RANBP2: variants seen among roughly 807,000 people sequenced by gnomAD.
RANBP2 encodes the protein E3 SUMO-protein ligase RanBP2.
A neutral mutation model predicts 303.6 loss-of-function variants in RANBP2; 57 were observed. The ratio of observed to expected loss-of-function variants is 0.19; its 90% CI spans 0.15 to 0.23. RANBP2 has a LOEUF of 0.23. RANBP2 is among the 10% of genes least tolerant of loss of function. The probability of loss-of-function intolerance (pLI) is 1.00; values close to 1 mark genes in which losing one functional copy is unlikely to be tolerated. For synonymous variants in RANBP2, 1,167 were observed against 1,301.5 expected (o/e 0.90, Z 2.23); for missense variants, 3,138 against 3,780.8 (o/e 0.83, Z 4.46).
chr2:109,714,025 C>T, the RANBP2 span, among the ~76,000 whole-genome samples: 1 of 152,210 alleles, frequency 6.6e-6, no homozygotes, highest in Non-Finnish European at 1.5e-5. Flanking sequence ...TAGGACTGCC[C>T]CCACTTCAGA....
chr2:109,567,765 A>G, the RANBP2 span: 4 of 1,500,338 alleles, frequency 2.7e-6, no homozygotes, highest in Non-Finnish European at 3.6e-6. Context: ...CACAAATTAC[A>G]GTTTTATTTT....
chr2:108,964,518 A>C, the RANBP2 span, among the ~76,000 whole-genome samples: 1 of 152,178 alleles, frequency 6.6e-6, no homozygotes, highest in Non-Finnish European at 1.5e-5. Flanking sequence ...GGGGGAAAAA[A>C]ACCCCAACAA....
intron 6 of RANBP2, among the ~76,000 whole-genome samples, chr2:108,740,238 A>G (rs1312582868): frequency 6.6e-6 from 1 of 152,202 alleles, no homozygotes; most frequent in Non-Finnish European, 1.5e-5. Flanking sequence ...TCTTATATTT[A>G]TCCTGTGATT....
At chr2:109,367,302 A>G in the RANBP2 span, among the ~76,000 whole-genome samples, 1,415 of 149,288 alleles carry the variant, frequency 9.5e-3, 18 homozygotes, top group African/African-American at 0.033. Context: ...TTATTTTTAG[A>G]TGGAGTCTTG....
the RANBP2 span, among the ~76,000 whole-genome samples, chr2:109,016,117 T>C: frequency 6.6e-3 from 1,003 of 152,350 alleles, 13 homozygotes; most frequent in African/African-American, 0.023. Flanking sequence ...AGTTTCGCTC[T>C]GTCGCCCAGG....
chr2:109,348,068 C>T, the RANBP2 span: 1 of 1,355,684 alleles, frequency 7.4e-7, no homozygotes, highest in Non-Finnish European at 9.9e-7. Flanking sequence ...ATCCTGGCTC[C>T]TCCCGGAACC....
chr2:109,131,929 A>G, the RANBP2 span, among the ~76,000 whole-genome samples: 2 of 152,230 alleles, frequency 1.3e-5, no homozygotes, highest in Non-Finnish European at 2.9e-5. Flanking sequence ...CTAGCACTAT[A>G]CTACCATGCT....
At chr2:109,349,237 C>T in the RANBP2 span, among the ~76,000 whole-genome samples, 5 of 152,154 alleles carry the variant, frequency 3.3e-5, no homozygotes, top group Middle Eastern at 3.2e-3. Flanking sequence ...GCATGTCCTG[C>T]GTACAGCTGC....
chr2:108,842,034 G>A, the RANBP2 span, among the ~76,000 whole-genome samples: 1 of 151,854 alleles, frequency 6.6e-6, no homozygotes, highest in African/African-American at 2.4e-5. Context: ...TTGTTTGTTT[G>A]TTTGTTTGTT....
chr2:109,608,316 C>T, the RANBP2 span, among the ~76,000 whole-genome samples: 1 of 152,168 alleles, frequency 6.6e-6, no homozygotes, highest in Non-Finnish European at 1.5e-5. Flanking sequence ...CATCAATATA[C>T]TCCCTACCTA....
At chr2:109,306,424 C>T in the RANBP2 span, among the ~76,000 whole-genome samples, 4 of 152,232 alleles carry the variant, frequency 2.6e-5, no homozygotes, top group African/African-American at 9.6e-5. Flanking sequence ...CCGATTCCAT[C>T]CTGCTGCTGC....
the RANBP2 span, among the ~76,000 whole-genome samples, chr2:109,078,135 A>ATGCCATTT: frequency 1.5e-5 from 1 of 65,784 alleles, no homozygotes; most frequent in Admixed American, 2.1e-4. Flanking sequence ...ATATATATAT[A>ATGCCATTT]GCGTGTATAT....
the RANBP2 span, among the ~76,000 whole-genome samples, chr2:109,390,193 T>C: frequency 6.6e-6 from 1 of 152,196 alleles, no homozygotes; most frequent in Admixed American, 6.5e-5. Context: ...TGGCAGTTCT[T>C]GGAGAAAGTG....
downstream of RANBP2, among the ~76,000 whole-genome samples, chr2:108,788,550 T>A (rs990391520): frequency 3.3e-5 from 5 of 151,112 alleles, no homozygotes; most frequent in Non-Finnish European, 7.4e-5. Context: ...ACCCCGTCTC[T>A]ACTAAAAAAA....
the RANBP2 span, among the ~76,000 whole-genome samples, chr2:108,993,014 G>A: frequency 1.3e-5 from 2 of 152,190 alleles, no homozygotes; most frequent in African/African-American, 4.8e-5. Context: ...GAAAAAACAG[G>A]AATATAAATA....
At chr2:109,108,502 G>A in the RANBP2 span, among the ~76,000 whole-genome samples, 145,811 of 152,220 alleles carry the variant, frequency 0.96, 70,123 homozygotes, top group Non-Finnish European at 1. Flanking sequence ...AATTTATTGT[G>A]GAGCCAACCT....
At chr2:109,163,565 AT>A in the RANBP2 span, among the ~76,000 whole-genome samples, 1 of 150,394 alleles carries the variant, frequency 6.6e-6, no homozygotes, top group Non-Finnish European at 1.5e-5. Flanking sequence ...CGCCCGGCTA[AT>A]TTTTTTGTAT....
Position 108,764,129 on chromosome 2 carries a change from A to C in RANBP2, c.3590A>C (p.Asn1197Thr). 1 of 1,614,100 alleles carries C rather than the reference A, an allele frequency of 6.2e-7. No homozygotes were observed. The highest frequency in any genetic ancestry group is 8.5e-7 in the Non-Finnish European group (1 of 1,179,976). Residue 1197 changes from asparagine to threonine, a missense_variant, in exon 20 of 29, where the codon AAC becomes ACC. Asn to Thr is a moderately conservative substitution (Grantham distance 65). Coordinates refer to ENST00000283195, the MANE Select transcript of RANBP2 (RefSeq NM_006267.5). ...GAAGATGAAGAAGAATTCTTTTGCAACCGCGCGAAATTGTTTCGTTTCGAT... is the reference window on the plus strand; with the variant it reads ...GAAGATGAAGAAGAATTCTTTTGCACCCGCGCGAAATTGTTTCGTTTCGAT... The part of the protein sequence containing the change: ...GEEDEEEFFC[N>T]RAKLFRFDVE...
intron 1 of RANBP2, among the ~76,000 whole-genome samples, chr2:108,721,918 T>G (rs576105819): frequency 1.3e-4 from 20 of 151,534 alleles, no homozygotes; most frequent in Admixed American, 1.2e-3. Context: ...TTTTCTTTAA[T>G]GTAGAGACGG....
Sources: gnomAD v4.1 joint callset for allele counts (sites outside exome capture counted in the v4.1 genomes callset) on GRCh38, gnomAD v4.1.1 for gene constraint, MANE v1.5 for transcripts, NCBI Gene and HGNC (gene_info 2026-07-23, HGNC 2026-07-21) for gene names.